Variants in ZNF229 observed in about 807,000 individuals in gnomAD.
ZNF229 encodes zinc finger protein 229.
ZNF229 carries 10 observed loss-of-function variants against 11.8 expected under a neutral mutation model. The observed-to-expected ratio is 0.85, with a 90% confidence interval of 0.52 to 1.44. The LOEUF (loss-of-function observed/expected upper bound fraction) is 1.44, where lower values mean the gene tolerates loss of function less well. Ranked by LOEUF, ZNF229 falls within the 40% of genes most tolerant of loss-of-function variation. The pLI is 0.00. For synonymous variants in ZNF229, 368 were observed against 374.8 expected (o/e 0.98, Z 0.21); for missense variants, 1,045 against 1,015.1 (o/e 1.03, Z -0.40).
intron 4 of ZNF229, among the ~76,000 whole-genome samples, chr19:44,436,401 C>T (rs1416268883): frequency 1.3e-5 from 2 of 151,654 alleles, no homozygotes; most frequent in African/African-American, 4.8e-5. Flanking sequence ...ACCCAAAAAC[C>T]ACCATAAAAA....
chr19:44,447,833 C>T (rs1972028352), intron 1 of ZNF229, among the ~76,000 whole-genome samples: 1 of 152,154 alleles, frequency 6.6e-6, no homozygotes, highest in Non-Finnish European at 1.5e-5. Flanking sequence ...ACTTTCACTG[C>T]CCCTTTCAGG....
At chr19:44,433,908 A>T (rs903066564) in intron 4 of ZNF229, among the ~76,000 whole-genome samples, 4 of 152,164 alleles carry the variant, frequency 2.6e-5, no homozygotes, top group African/African-American at 9.7e-5. Context: ...CTGGGACTAC[A>T]GGCATGTGCC....
chr19:44,437,817 GCAA>G (rs1364807881), intron 4 of ZNF229, among the ~76,000 whole-genome samples: 1 of 152,148 alleles, frequency 6.6e-6, no homozygotes, highest in East Asian at 1.9e-4. Flanking sequence ...ATCCTCTGCA[GCAA>G]CATGGAAGGA....
intron 4 of ZNF229, 112 bp from the exon 5 acceptor site, chr19:44,432,478 G>A: frequency 6.9e-7 from 1 of 1,459,610 alleles, no homozygotes; most frequent in Non-Finnish European, 9.2e-7. Flanking sequence ...AGAAAATGTG[G>A]CACATATACA....
intron 2 of ZNF229, among the ~76,000 whole-genome samples, chr19:44,444,834 G>T (rs575753184): frequency 2.0e-4 from 31 of 152,190 alleles, no homozygotes; most frequent in Middle Eastern, 3.4e-3. Context: ...AGAGACTTCC[G>T]GTGGGTAAAA....
intron 5 of ZNF229, 123 bp downstream of exon 5, chr19:44,432,099 G>A: frequency 6.8e-7 from 1 of 1,469,304 alleles, no homozygotes; most frequent in Non-Finnish European, 9.0e-7. Flanking sequence ...CACTCAGTCT[G>A]GCAATTTTTT....
chr19:44,440,780 G>T (rs574469771), intron 4 of ZNF229, among the ~76,000 whole-genome samples: 1 of 151,388 alleles, frequency 6.6e-6, no homozygotes, highest in East Asian at 1.9e-4. Context: ...CTGGAGTAGA[G>T]TGGCATGATC....
At chr19:44,443,936 A>G (rs1304314162) in intron 2 of ZNF229, among the ~76,000 whole-genome samples, 1 of 151,228 alleles carries the variant, frequency 6.6e-6, no homozygotes, top group Non-Finnish European at 1.5e-5. Context: ...GCCCCGCCCC[A>G]CCCCCCAGAC....
Position 44,429,554 on chromosome 19 carries a change from C to A in ZNF229, c.1227G>T (p.Glu409Asp), listed in dbSNP as rs1372796375. 3 of 1,613,828 alleles carry A rather than the reference C, an allele frequency of 1.9e-6. No individual in the cohort carries two copies. In the Admixed American group the frequency reaches 5.0e-5, roughly 27 times the overall value. ...HTGEKPYKCSECGKGFSYSSV... is the reference protein window; with the variant it reads ...HTGEKPYKCSDCGKGFSYSSV... ...AGCTGTAACTGAAGCCCTTCCCACA[C>A]TCGCTGCATTTATATGGTTTCTCTC... Residue 409 changes from glutamate (E) to aspartate (D), a missense_variant, in exon 6 of 6, where the codon GAG becomes GAT. Coordinates refer to ENST00000614049, the MANE Select transcript of ZNF229 (RefSeq NM_014518.4).
chr19:44,437,511 T>C lies in ZNF229; in HGVS notation c.93+5052A>G, dbSNP rs554024487. ...TGGAGAAAAAAGAACATTTATACAC[T>C]GCTGGTGGAAATATAAATTAGTTTA... On this transcript the variant is annotated intron_variant, in intron 4 of 5. Transcript: ENST00000614049. Among the ~76,000 whole-genome samples, 4 of 152,318 alleles carry C rather than the reference T, an allele frequency of 2.6e-5. No individual in the cohort carries two copies. The South Asian group carries it at 8.3e-4, about 32-fold the overall frequency.
Position 44,429,936 on chromosome 19 carries a change from G to C in ZNF229, c.845C>G (p.Pro282Arg). Reference sequence around the variant, plus strand: ...CTCTTTCAAAGGTACTCTTGGATGCGGGGGAAGGTCTGCATCGTCCCTGAA... The same window carrying C: ...CTCTTTCAAAGGTACTCTTGGATGCCGGGGAAGGTCTGCATCGTCCCTGAA... ...NGFRDDADLP[P>R]HPRVPLKEKL... is the part of the protein sequence containing the mutation. The change falls in exon 6 of 6, where the codon CCG becomes CGG. Residue 282 changes from proline (P) to arginine (R), a missense_variant. Transcript: ENST00000614049. 1 of 1,613,980 alleles carries C rather than the reference G, an allele frequency of 6.2e-7. No individual in the cohort carries two copies. Among genetic ancestry groups the C allele is most frequent in the Non-Finnish European group, 8.5e-7 (1 of 1,179,942 alleles).
At chr19:44,432,606 C>T (rs1051467091) in intron 4 of ZNF229, among the ~76,000 whole-genome samples, 8 of 151,758 alleles carry the variant, frequency 5.3e-5, no homozygotes, top group African/African-American at 1.7e-4. Context: ...AACCAAACTC[C>T]GCATGTTCTC....
At chr19:44,436,158 A>G (rs1185369545) in intron 4 of ZNF229, among the ~76,000 whole-genome samples, 2 of 152,198 alleles carry the variant, frequency 1.3e-5, no homozygotes, top group African/African-American at 4.8e-5. Flanking sequence ...GGATTACTTC[A>G]GCCTAGGAGT....
chr19:44,445,512 C>T (rs1372211894), intron 2 of ZNF229, among the ~76,000 whole-genome samples: 1 of 152,164 alleles, frequency 6.6e-6, no homozygotes, highest in African/African-American at 2.4e-5. Context: ...CCCTCATCAC[C>T]GGGCCTTCGT....
Position 44,432,225 on chromosome 19 carries a change from G to C in ZNF229, c.235C>G (p.Leu79Val). 6.2e-7 allele frequency: 1 copy of C among 1,609,254 alleles called. No homozygotes were observed. The highest frequency in any genetic ancestry group is 1.1e-5 in the South Asian group (1 of 90,050). Residue 79 changes from leucine (L) to valine (V), a missense_variant, in exon 5 of 6, where the codon CTG becomes GTG. Transcript: ENST00000614049. Reference protein sequence around the residue: ...NLLSVGERNPLGDKNGKDTEY... With the variant: ...NLLSVGERNPVGDKNGKDTEY... ...CAAGAAGTTCAGTTCCAATTACCCA[G>C]AGGATTCCTCTCACCCACTGAGAGT...
At position 44,430,285 on chromosome 19, in the gene ZNF229, T is replaced by A. The variant is rs1453260528; in HGVS notation, c.496A>T (p.Ile166Phe). ...FLDSLQGDGL[I>F]GLENQQFPAW... ...GGAAACTGTTGATTTTCTAGACCGA[T>A]AAGCCCATCCCCTTGTAGACTGTCC... is the stretch of plus-strand genomic sequence containing the variant. Residue 166 changes from isoleucine to phenylalanine, a missense_variant, in exon 6 of 6, where the codon ATC (isoleucine) becomes TTC (phenylalanine). By Grantham distance (21) the Ile-to-Phe change is conservative. Coordinates refer to ENST00000614049, the MANE Select transcript of ZNF229 (RefSeq NM_014518.4). 1.2e-6 allele frequency: 2 copies of A among 1,614,162 alleles called. No homozygotes were observed. Among genetic ancestry groups the A allele is most frequent in the Admixed American group, 1.7e-5 (1 of 60,024 alleles).
intron 4 of ZNF229, 87 bp downstream of exon 4, chr19:44,442,476 G>T: frequency 7.2e-7 from 1 of 1,386,882 alleles, no homozygotes; most frequent in Admixed American, 1.9e-5. Flanking sequence ...TACATTTTTC[G>T]CTCTTTTTCC....
In ZNF229 at chr19:44,428,192, T is replaced by C. The variant is rs954846230; in HGVS notation, c.*111A>G. The stretch of plus-strand genomic sequence containing the variant: ...ATGCAGACTAGAAAATGTAAAATCA[T>C]CAGTTTCTCCTATAGCCCTCCTACA... On this transcript the variant is annotated 3_prime_UTR_variant, in exon 6 of 6. Transcript: ENST00000614049. 2.3e-5 allele frequency: 28 copies of C among 1,214,504 alleles called. No homozygotes were observed. The highest frequency in any genetic ancestry group is 3.1e-5 in the Non-Finnish European group (27 of 872,398). 75.2% of individuals were successfully genotyped at this position (1,214,504 alleles called of 1,614,324 possible). A position where few individuals can be genotyped will look rare whatever the true frequency, so the allele number is the denominator to read the frequency against.
In ZNF229 at chr19:44,428,529, T is replaced by C. The variant is rs375182987; in HGVS notation, c.2252A>G (p.Gln751Arg). 94 of 1,613,654 alleles carry C rather than the reference T, an allele frequency of 5.8e-5. No homozygotes were observed. Among genetic ancestry groups the C allele is most frequent in the Middle Eastern group, 1.6e-4 (1 of 6,080 alleles). Residue 751 changes from glutamine (Q) to arginine (R), a missense_variant, in exon 6 of 6, where the codon CAG becomes CGG. Coordinates refer to ENST00000614049, the MANE Select transcript of ZNF229 (RefSeq NM_014518.4). ...CTGATGACCTTGAAGATGTGAGCTC[T>C]GACTATAGCCCTTCCCACACACGTG... ...RCHVCGKGYS[Q>R]SSHLQGHQRV...
Sources: gnomAD v4.1 joint callset for allele counts (sites outside exome capture counted in the v4.1 genomes callset) on GRCh38, gnomAD v4.1.1 for gene constraint, MANE v1.5 for transcripts, NCBI Gene and HGNC (gene_info 2026-07-23, HGNC 2026-07-21) for gene names.